The following HMG20B variants were observed in gnomAD, a reference collection of about 807,000 sequenced individuals.
HMG20B encodes high mobility group 20B.
HMG20B carries 24 observed loss-of-function variants against 41.6 expected under a neutral mutation model. That is an observed-to-expected ratio of 0.58 (90% CI 0.42 to 0.81). The LOEUF (loss-of-function observed/expected upper bound fraction) is 0.81. Among genes scored for constraint, HMG20B ranks in the 30% least tolerant of loss-of-function variants. HMG20B has a pLI of 0.00. For missense variants in HMG20B, 461 were observed against 444.0 expected (o/e 1.04, Z -0.34); for synonymous variants, 251 against 186.6 (o/e 1.34, Z -2.81).
intron 8 of HMG20B, 21 bp from the exon 9 acceptor site, chr19:3,577,960 A>G: frequency 6.4e-7 from 1 of 1,567,724 alleles, no homozygotes; most frequent in Non-Finnish European, 8.6e-7. Context: ...CCCTCGCCTG[A>G]CCTTCCCGCC....
rs566051093 is a variant in HMG20B, at chr19:3,578,702, C to A, written c.*181C>A. The A allele has an allele frequency of 2.3e-6, 2 of 855,546 alleles. No individual in the cohort carries two copies. Among genetic ancestry groups the A allele is most frequent in the South Asian group, 2.8e-5 (2 of 70,250 alleles). 53.0% of individuals were successfully genotyped at this position (855,546 alleles called of 1,614,324 possible). On this transcript the variant is annotated 3_prime_UTR_variant, in exon 10 of 10. Transcript: ENST00000333651. ...TCCCTTTAGCTTTCAATCTCCCCAG[C>A]CCCCTGAACCCGGAAAAAGCACTCG...
intron 1 of HMG20B, 131 bp downstream of exon 1, chr19:3,573,125 A>G: frequency 1.9e-6 from 1 of 536,246 alleles, no homozygotes. Flanking sequence ...CGCCCAACAA[A>G]GGATTCTTGG....
chr19:3,573,979 T>C lies in HMG20B; in HGVS notation c.147+179T>C, dbSNP rs1054226518. 26 of 713,440 alleles carry C rather than the reference T, an allele frequency of 3.6e-5. 1 individual carries two copies. Among genetic ancestry groups the C allele is most frequent in the Non-Finnish European group, 6.0e-5 (24 of 397,708 alleles). 44.2% of individuals were successfully genotyped at this position (713,440 alleles called of 1,614,324 possible). On this transcript the variant is annotated intron_variant, in intron 3 of 9. Coordinates refer to ENST00000333651, the MANE Select transcript of HMG20B (RefSeq NM_006339.3). ...CTGACAGGTCCTCTGCCACTCTAAG[T>C]CCAGGCCCCGCCCACCGCACAATGC...
chr19:3,576,449 T>G, intron 6 of HMG20B, 104 bp from the exon 7 acceptor site: 1 of 1,343,208 alleles, frequency 7.4e-7, no homozygotes, highest in South Asian at 1.2e-5. Flanking sequence ...TTGATTGTAC[T>G]CCCACCGGGG....
intron 5 of HMG20B, chr19:3,575,943 CAAA>C (rs71166913): frequency 0.012 from 3,425 of 286,618 alleles, no homozygotes; most frequent in East Asian, 0.023. Context: ...GACTCCGTCT[CAAA>C]AAAAAAAAAA....
chr19:3,578,047 A>G lies in HMG20B; in HGVS notation c.875A>G (p.Glu292Gly), dbSNP rs1479845245. Residue 292 changes from glutamate to glycine, a missense_variant, in exon 9 of 10, where the codon GAG (glutamate) becomes GGG (glycine). By Grantham distance (98) the Glu-to-Gly change is moderately conservative. Transcript: ENST00000333651. ...ATGGCCCGGCTTCACGGAGCCATCG[A>G]GCGCGACCCCGCCCAGCACGAGAAG... is the stretch of plus-strand genomic sequence containing the variant. ...FYMARLHGAIERDPAQHEKLI... is the reference protein window; with the variant it reads ...FYMARLHGAIGRDPAQHEKLI... 6.8e-6 allele frequency: 11 copies of G among 1,610,332 alleles called. No individual in the cohort carries two copies. Among genetic ancestry groups the G allele is most frequent in the Non-Finnish European group, 9.3e-6 (11 of 1,179,196 alleles).
chr19:3,573,413 C>A, intron 2 of HMG20B, 66 bp downstream of exon 2: 1 of 1,428,554 alleles, frequency 7.0e-7, no homozygotes, highest in Non-Finnish European at 9.3e-7. Context: ...GCTCCTGAAC[C>A]CCTGACCCAG....
In HMG20B at chr19:3,578,004, G is replaced by A; in HGVS notation, c.832G>A (p.Gly278Ser). Residue 278 changes from glycine to serine, a missense_variant, in exon 9 of 10, where the codon GGC (glycine) becomes AGC (serine). Transcript: ENST00000333651. ...VPGTGETPTL[G>S]TLDFYMARLH... is the part of the protein sequence containing the mutation. ...AGGCACGGGCGAAACGCCCACGCTG[G>A]GCACTCTGGACTTCTACATGGCCCG... The A allele has an allele frequency of 6.2e-7, 1 of 1,606,032 alleles. No homozygotes were observed. Among genetic ancestry groups the A allele is most frequent in the South Asian group, 1.1e-5 (1 of 90,612 alleles).
intron 9 of HMG20B, 142 bp from the exon 10 acceptor site, chr19:3,578,367 G>A: frequency 4.7e-6 from 6 of 1,285,672 alleles, no homozygotes; most frequent in Middle Eastern, 2.7e-4. Context: ...CAGCGCCCGG[G>A]TTAGATAGGT....
chr19:3,574,760 C>T (rs1295058507), intron 4 of HMG20B, among the ~76,000 whole-genome samples, 174 bp downstream of exon 4: 1 of 151,060 alleles, frequency 6.6e-6, no homozygotes, highest in Non-Finnish European at 1.5e-5. Context: ...GCTCTGTTGC[C>T]CAGGCTGGAG....
intron 3 of HMG20B, 26 bp downstream of exon 3, chr19:3,573,826 GGAGGCCCCGGGCTCCCGCCCCAGCCTC>G (rs1169241105): frequency 6.4e-7 from 1 of 1,567,174 alleles, no homozygotes; most frequent in Non-Finnish European, 8.7e-7. Flanking sequence ...CTGAGCTGGG[GGAGGCCCCGGGCTCCCGCCCCAGCCTC>G]GAAGCCCCGC....
chr19:3,574,098 AC>A, intron 3 of HMG20B: 1 of 631,798 alleles, frequency 1.6e-6, no homozygotes, highest in Non-Finnish European at 2.8e-6. Context: ...GCAGAAAACC[AC>A]GCCCACCAAG....
chr19:3,573,748 A>C lies in HMG20B; in HGVS notation c.95A>C (p.Gln32Pro), dbSNP rs2032093139. ...QHGGFVVTVKQERGEGPRAGE... is the reference protein window; with the variant it reads ...QHGGFVVTVKPERGEGPRAGE... ...GGGGGCTTCGTGGTGACTGTCAAGC[A>C]AGAGCGCGGCGAGGGTCCACGCGCG... Residue 32 changes from glutamine (Q) to proline (P), a missense_variant, in exon 3 of 10, where the codon CAA becomes CCA. This residue lies in a region of HMG20B where 104 missense variants were observed against 76.5 expected (regional missense o/e 1.36). Transcript: ENST00000333651. 1.3e-6 allele frequency: 2 copies of C among 1,549,530 alleles called. No homozygotes were observed. The highest frequency in any genetic ancestry group is 1.7e-6 in the Non-Finnish European group (2 of 1,152,210).
chr19:3,573,888 T>A, intron 3 of HMG20B, 88 bp downstream of exon 3: 1 of 1,221,850 alleles, frequency 8.2e-7, no homozygotes, highest in Middle Eastern at 1.9e-4. Context: ...GAATTGCTTG[T>A]GGCTCCGCCC....
intron 5 of HMG20B, 173 bp downstream of exon 5, chr19:3,575,833 A>G: frequency 1.8e-6 from 1 of 559,852 alleles, no homozygotes; most frequent in South Asian, 2.1e-5. Flanking sequence ...AATCCCAGCT[A>G]CTCGGGAGGC....
At chr19:3,576,504 T>G (rs780007604) in intron 6 of HMG20B, 49 bp from the exon 7 acceptor site, 9 of 1,542,632 alleles carry the variant, frequency 5.8e-6, no homozygotes, top group Non-Finnish European at 8.0e-6. Context: ...CCAGAGAGCG[T>G]GGCTGCCTCC....
chr19:3,576,373 G>A, intron 6 of HMG20B, 66 bp downstream of exon 6: 1 of 1,530,566 alleles, frequency 6.5e-7, no homozygotes, highest in Middle Eastern at 1.7e-4. Flanking sequence ...AGAACCCTGA[G>A]TCAGAGCCAG....
At chr19:3,575,953 A>G in intron 5 of HMG20B, 1 of 515,476 alleles carries the variant, frequency 1.9e-6, no homozygotes, top group Non-Finnish European at 3.4e-6. Context: ...CAAAAAAAAA[A>G]AAAAAAGAAA....
Position 3,576,974 on chromosome 19 carries a change from G to A in HMG20B, c.675G>A (p.Gln225=). 1.3e-6 allele frequency: 2 copies of A among 1,576,866 alleles called. No individual in the cohort carries two copies. The highest frequency in any genetic ancestry group is 1.7e-6 in the Non-Finnish European group (2 of 1,162,908). Residue 225 remains glutamine (Q), a synonymous_variant, in exon 8 of 10, where the codon CAG becomes CAA. Transcript: ENST00000333651. ...EQNAVLQRHT[Q]SMSSARERLE... is the part of the protein sequence containing the mutation. ...ACGCGGTACTGCAGAGGCACACGCA[G>A]AGCATGAGCAGCGCGCGCGAGCGTC...
Sources: gnomAD v4.1 joint callset for allele counts (sites outside exome capture counted in the v4.1 genomes callset) on GRCh38, gnomAD v4.1.1 for gene constraint, gnomAD v4.1.1 regional missense constraint, MANE v1.5 for transcripts, NCBI Gene and HGNC (gene_info 2026-07-23, HGNC 2026-07-21) for gene names.